Variants in PTGFR observed in about 807,000 individuals in gnomAD.
The protein encoded by PTGFR is prostaglandin F2-alpha receptor.
Under a neutral mutation model 26.2 loss-of-function variants are expected in PTGFR, and 15 were observed. The observed-to-expected ratio is 0.57, with a 90% CI of 0.38 to 0.88. PTGFR has a LOEUF of 0.88. PTGFR is among the 40% of genes least tolerant of loss of function. The pLI, the probability that PTGFR is intolerant of heterozygous loss-of-function variation, is 0.00. For missense variants in PTGFR, 369 were observed against 427.2 expected (o/e 0.86, Z 1.20); for synonymous variants, 165 against 151.1 (o/e 1.09, Z -0.68).
intron 2 of PTGFR, among the ~76,000 whole-genome samples, chr1:78,518,063 C>G (rs367723676): frequency 3.2e-4 from 48 of 152,210 alleles, no homozygotes; most frequent in African/African-American, 1.0e-3. Context: ...ACCACCATGG[C>G]ACATGTACAC....
chr1:78,526,250 T>C (rs975505109), intron 2 of PTGFR, among the ~76,000 whole-genome samples: 4 of 152,142 alleles, frequency 2.6e-5, no homozygotes, highest in Admixed American at 2.0e-4. Context: ...GCTTTCTTTA[T>C]GAGAGGCTGT....
At chr1:78,530,561 A>T (rs529957152) in intron 2 of PTGFR, among the ~76,000 whole-genome samples, 3 of 152,248 alleles carry the variant, frequency 2.0e-5, no homozygotes, top group Admixed American at 2.0e-4. Flanking sequence ...AACTATTCAA[A>T]TCTTGACTCC....
chr1:78,526,047 T>C (rs1337900101), intron 2 of PTGFR, among the ~76,000 whole-genome samples: 1 of 152,100 alleles, frequency 6.6e-6, no homozygotes, highest in African/African-American at 2.4e-5. Flanking sequence ...TTTTGGTTGA[T>C]TGCTGAGACT....
chr1:78,527,528 T>C (rs1455525189), intron 2 of PTGFR, among the ~76,000 whole-genome samples: 12 of 152,068 alleles, frequency 7.9e-5, no homozygotes, highest in Admixed American at 7.9e-4. Flanking sequence ...GATACATTGG[T>C]GACATACTTA....
At position 78,537,608 on chromosome 1, in the gene PTGFR, AAC is replaced by A. The variant is rs1435786624; in HGVS notation, c.*923_*924del. ...ATTATTTGTGTCAGAGAACAAAAGA[AAC>A]AGAATCAATATATAAAATTCAAAGA... On this transcript the variant is annotated 3_prime_UTR_variant, in exon 3 of 3. Coordinates refer to ENST00000370757, the MANE Select transcript of PTGFR (RefSeq NM_000959.4). The A allele has an allele frequency of 6.6e-6, 1 of 152,120 alleles. No individual in the cohort carries two copies. The highest frequency in any genetic ancestry group is 1.5e-5 in the Non-Finnish European group (1 of 68,018). The allele number at this position is 152,120 out of a possible 1,614,324, so 9.4% of individuals were successfully genotyped here.
chr1:78,510,377 C>A (rs1426932882), intron 2 of PTGFR, among the ~76,000 whole-genome samples: 1 of 152,106 alleles, frequency 6.6e-6, no homozygotes, highest in East Asian at 1.9e-4. Flanking sequence ...TGACTCATGG[C>A]AGGAGGTGAA....
chr1:78,515,761 A>G (rs1650077672), intron 2 of PTGFR, among the ~76,000 whole-genome samples: 1 of 152,150 alleles, frequency 6.6e-6, no homozygotes, highest in Non-Finnish European at 1.5e-5. Context: ...GATTAATCTA[A>G]TTTCTTAAGT....
chr1:78,511,640 G>C (rs1235188640), intron 2 of PTGFR, among the ~76,000 whole-genome samples: 2 of 152,208 alleles, frequency 1.3e-5, no homozygotes, highest in Non-Finnish European at 2.9e-5. Context: ...TTCCCTCATT[G>C]TCTTGTATAT....
At chr1:78,491,562 C>G (rs1441531027) in intron 1 of PTGFR, among the ~76,000 whole-genome samples, 1 of 152,246 alleles carries the variant, frequency 6.6e-6, no homozygotes, top group African/African-American at 2.4e-5. Context: ...CCTCACTCCC[C>G]GTGCCCGGGA....
chr1:78,532,444 GTGTGTATA>G (rs1650538811), intron 2 of PTGFR: 1 of 116,224 alleles, frequency 8.6e-6, no homozygotes, highest in African/African-American at 4.4e-5. Context: ...ATATATTTGT[GTGTGTATA>G]TGTGTATATA....
intron 2 of PTGFR, among the ~76,000 whole-genome samples, chr1:78,526,082 C>A (rs1466970033): frequency 6.6e-6 from 1 of 151,848 alleles, no homozygotes; most frequent in African/African-American, 2.4e-5. Flanking sequence ...TTACAGTATG[C>A]CTTTAAAAAC....
chr1:78,534,551 T>C (rs1169941749), intron 2 of PTGFR, among the ~76,000 whole-genome samples: 1 of 152,166 alleles, frequency 6.6e-6, no homozygotes, highest in Non-Finnish European at 1.5e-5. Context: ...ATAAAAGCAA[T>C]GCATGATCGA....
intron 2 of PTGFR, among the ~76,000 whole-genome samples, chr1:78,526,281 C>T (rs568618531): frequency 6.6e-6 from 1 of 152,170 alleles, no homozygotes; most frequent in Non-Finnish European, 1.5e-5. Context: ...ATTGCTGTGG[C>T]ATCAAATTCA....
At chr1:78,533,567 G>T (rs202041485) in intron 2 of PTGFR, among the ~76,000 whole-genome samples, 1 of 152,158 alleles carries the variant, frequency 6.6e-6, no homozygotes, top group Non-Finnish European at 1.5e-5. Flanking sequence ...GGTCTTGGCG[G>T]TAGTGCCATC....
At chr1:78,500,384 A>G (rs1002460065) in intron 2 of PTGFR, among the ~76,000 whole-genome samples, 17 of 152,210 alleles carry the variant, frequency 1.1e-4, no homozygotes, top group Admixed American at 2.0e-4. Context: ...CCTTTTCTCA[A>G]GGGAATTTCC....
chr1:78,495,764 A>G (rs938439526), intron 2 of PTGFR, among the ~76,000 whole-genome samples: 1 of 152,200 alleles, frequency 6.6e-6, no homozygotes, highest in Non-Finnish European at 1.5e-5. Flanking sequence ...CTTGGTGTGG[A>G]TATTTTGAAT....
rs1023185298 is a variant in PTGFR at position 78,538,226 on chromosome 1, A to G, written c.*1539A>G. ...TTATCATGCTGGGTACAATGCTTCTATGAATATTTCCATGTATTTTGACTG... is the reference window on the plus strand; with the variant it reads ...TTATCATGCTGGGTACAATGCTTCTGTGAATATTTCCATGTATTTTGACTG... On this transcript the variant is annotated 3_prime_UTR_variant, in exon 3 of 3. Coordinates refer to ENST00000370757, the MANE Select transcript of PTGFR (RefSeq NM_000959.4). 11 of 152,104 alleles carry G rather than the reference A, an allele frequency of 7.2e-5. No individual in the cohort carries two copies. Among genetic ancestry groups the G allele is most frequent in the South Asian group, 2.1e-4 (1 of 4,836 alleles). The allele number at this position is 152,104 out of a possible 1,614,324, so 9.4% of individuals were successfully genotyped here.
chr1:78,533,166 T>C (rs908802771), intron 2 of PTGFR, among the ~76,000 whole-genome samples: 3 of 152,188 alleles, frequency 2.0e-5, no homozygotes, highest in Admixed American at 1.3e-4. Flanking sequence ...AGACTAGTAT[T>C]ATTTTAAGAT....
chr1:78,498,866 C>T (rs1649626612), intron 2 of PTGFR, among the ~76,000 whole-genome samples: 1 of 152,130 alleles, frequency 6.6e-6, no homozygotes, highest in Admixed American at 6.5e-5. Context: ...GTGAGTGTCC[C>T]TCTGTTTGGA....
Sources: allele counts gnomAD v4.1 joint callset (sites outside exome capture counted in the v4.1 genomes callset), GRCh38; gene constraint gnomAD v4.1.1; transcripts MANE v1.5; gene names NCBI Gene and HGNC (gene_info 2026-07-23, HGNC 2026-07-21).